The following DYM variants were observed in gnomAD, a reference collection of about 807,000 sequenced individuals.
DYM encodes dymeclin, also known as dyggve-Melchior-Clausen syndrome protein.
Under a neutral mutation model 93.1 loss-of-function variants are expected in DYM, and 78 were observed. The observed-to-expected ratio is 0.84, with a 90% CI of 0.70 to 1.01. The LOEUF (loss-of-function observed/expected upper bound fraction) is 1.01, where lower values mean the gene tolerates loss of function less well. DYM is among the 50% of genes least tolerant of loss of function. DYM has a pLI of 0.00. For synonymous variants in DYM, 321 were observed against 319.7 expected (o/e 1.00, Z -0.04); for missense variants, 789 against 845.0 (o/e 0.93, Z 0.82).
In DYM at chr18:49,159,440, C is replaced by T. The variant is rs150189694; in HGVS notation, c.1728+4245G>A. ...AGGTCTAAAAGATTATTAATAAAAGCTATGAAGTCAAAAGGTCAGCCAGTG... is the reference window on the plus strand; with the variant it reads ...AGGTCTAAAAGATTATTAATAAAAGTTATGAAGTCAAAAGGTCAGCCAGTG... On this transcript the variant is annotated intron_variant, in intron 15 of 17. Transcript: ENST00000675505. 1.1e-3 allele frequency among the ~76,000 whole-genome samples: 171 copies of T among 152,210 alleles called. 2 individuals carry two copies. The highest frequency in any genetic ancestry group is 2.2e-3 in the Non-Finnish European group (151 of 68,002).
Position 49,356,839 on chromosome 18 carries a change from A to T in DYM, c.494+6322T>A, listed in dbSNP as rs550682155. Among the ~76,000 whole-genome samples the T allele has an allele frequency of 2.4e-4, 36 of 152,362 alleles. No homozygotes were observed. The South Asian group carries it at 6.2e-3, about 26-fold the overall frequency. ...TCTTATATAATGTTATTACATTTTT[A>T]AAATGCTATAAGCTGAATTTTATAA... On this transcript the variant is annotated intron_variant, in intron 6 of 17. Coordinates refer to ENST00000675505, the MANE Select transcript of DYM (RefSeq NM_001353214.3).
intron 16 of DYM, among the ~76,000 whole-genome samples, chr18:49,102,575 C>A (rs962454639): frequency 5.9e-5 from 9 of 152,242 alleles, no homozygotes; most frequent in Middle Eastern, 3.4e-3. Context: ...TCTCCCCCAA[C>A]CCCACAACAG....
intron 2 of DYM, among the ~76,000 whole-genome samples, chr18:49,392,911 CT>C (rs1302813666): frequency 1.3e-5 from 2 of 149,876 alleles, no homozygotes; most frequent in African/African-American, 4.9e-5. Flanking sequence ...AGGAGAATTG[CT>C]TGAACCCAGG....
chr18:49,223,436 G>A (rs900465018), intron 13 of DYM, among the ~76,000 whole-genome samples: 2 of 152,120 alleles, frequency 1.3e-5, no homozygotes, highest in East Asian at 3.9e-4. Flanking sequence ...GCCTCTGCTC[G>A]ACTGAAAAAA....
chr18:49,419,628 A>G (rs1568412366), intron 2 of DYM, among the ~76,000 whole-genome samples: 1 of 152,166 alleles, frequency 6.6e-6, no homozygotes, highest in Non-Finnish European at 1.5e-5. Flanking sequence ...TTTTTCATAC[A>G]CATTTCAGAA....
At chr18:49,274,856 A>C (rs2094811217) in intron 10 of DYM, among the ~76,000 whole-genome samples, 2 of 152,108 alleles carry the variant, frequency 1.3e-5, no homozygotes, top group Admixed American at 1.3e-4. Context: ...GGGTTTAAAA[A>C]GTTCTTTACA....
Position 49,363,247 on chromosome 18 carries a change from T to C in DYM, c.422-14A>G, listed in dbSNP as rs2066196798. On this transcript the variant is annotated splice_polypyrimidine_tract_variant and intron_variant, in intron 5 of 17. Transcript: ENST00000675505. ...CTGAGTCAGAACCTGGTAAGACACA[T>C]AAAAAGATTTTTTTTTAACAAAGTA... is the stretch of plus-strand genomic sequence containing the variant. 16 of 1,603,252 alleles carry C rather than the reference T, an allele frequency of 1.0e-5. No individual in the cohort carries two copies. Among genetic ancestry groups the C allele is most frequent in the Middle Eastern group, 1.7e-4 (1 of 6,048 alleles).
intron 11 of DYM, among the ~76,000 whole-genome samples, chr18:49,267,883 C>A (rs377628930): frequency 6.6e-6 from 1 of 151,714 alleles, no homozygotes; most frequent in African/African-American, 2.4e-5. Flanking sequence ...GGAGACAAAG[C>A]GAGACTGTGT....
At chr18:49,401,457 T>C (rs1339108976) in intron 2 of DYM, among the ~76,000 whole-genome samples, 1 of 152,224 alleles carries the variant, frequency 6.6e-6, no homozygotes, top group African/African-American at 2.4e-5. Context: ...ATACATGTGG[T>C]ATTTTGATAC....
intron 14 of DYM, among the ~76,000 whole-genome samples, chr18:49,183,509 T>C (rs949551526): frequency 2.7e-4 from 41 of 152,096 alleles, no homozygotes; most frequent in African/African-American, 9.2e-4. Flanking sequence ...CAAACCTGCC[T>C]GGCAATTTTC....
At chr18:49,391,756 T>G in intron 2 of DYM, 111 bp from the exon 3 acceptor site, 1 of 921,826 alleles carries the variant, frequency 1.1e-6, no homozygotes, top group East Asian at 2.8e-5. Flanking sequence ...AAGAAAAATA[T>G]GGTGCACAGT....
chr18:49,261,210 G>T (rs1255845046), intron 11 of DYM, among the ~76,000 whole-genome samples: 4 of 152,040 alleles, frequency 2.6e-5, no homozygotes, highest in Non-Finnish European at 5.9e-5. Context: ...ATATACAGGT[G>T]GCTTCCGTAC....
chr18:49,071,816 A>G (rs570774057), intron 17 of DYM, among the ~76,000 whole-genome samples: 1 of 152,364 alleles, frequency 6.6e-6, no homozygotes, highest in South Asian at 2.1e-4. Context: ...AAAGGACAAT[A>G]ATGGTAAGAC....
At chr18:49,441,096 T>C (rs1158860651) in intron 1 of DYM, among the ~76,000 whole-genome samples, 1 of 9,106 alleles carries the variant, frequency 1.1e-4, no homozygotes, top group African/African-American at 2.7e-4. Flanking sequence ...ATATTATATA[T>C]AAATATATAT....
At chr18:49,415,798 G>A (rs1331037744) in intron 2 of DYM, among the ~76,000 whole-genome samples, 1 of 151,920 alleles carries the variant, frequency 6.6e-6, no homozygotes. Flanking sequence ...ATGGTGGCAT[G>A]TGCCTGTAAT....
intron 2 of DYM, among the ~76,000 whole-genome samples, chr18:49,393,117 GAA>G: frequency 1.1e-5 from 1 of 90,016 alleles, no homozygotes; most frequent in Non-Finnish European, 2.2e-5. Context: ...AGGAAGGAAG[GAA>G]GGAAGGAAGG....
chr18:49,277,167 C>T (rs1383448025), intron 10 of DYM, among the ~76,000 whole-genome samples: 1 of 152,070 alleles, frequency 6.6e-6, no homozygotes, highest in Non-Finnish European at 1.5e-5. Flanking sequence ...ATGTCTGGGG[C>T]AGCTGGATAC....
intron 17 of DYM, among the ~76,000 whole-genome samples, chr18:49,046,397 AC>A (rs1197665158): frequency 1.3e-5 from 2 of 151,196 alleles, no homozygotes; most frequent in African/African-American, 4.9e-5. Flanking sequence ...CACACCACAG[AC>A]AAAACACACA....
intron 8 of DYM, among the ~76,000 whole-genome samples, chr18:49,294,342 A>T (rs1256544248): frequency 6.6e-6 from 1 of 152,122 alleles, no homozygotes; most frequent in Non-Finnish European, 1.5e-5. Flanking sequence ...GTTTTTTCTA[A>T]TTCTGTGAAG....
Sources: allele counts gnomAD v4.1 joint callset (sites outside exome capture counted in the v4.1 genomes callset), GRCh38; gene constraint gnomAD v4.1.1; transcripts MANE v1.5; gene names NCBI Gene and HGNC (gene_info 2026-07-23, HGNC 2026-07-21).